Variants in MAN2A1 observed in about 807,000 individuals in gnomAD.
MAN2A1 encodes mannosidase alpha class 2A member 1.
A neutral mutation model predicts 142.6 loss-of-function variants in MAN2A1; 76 were observed. That is an observed-to-expected ratio of 0.53 (90% CI 0.44 to 0.65). The LOEUF is 0.65. Among genes scored for constraint, MAN2A1 ranks in the 30% least tolerant of loss-of-function variants. The pLI, the probability that MAN2A1 is intolerant of heterozygous loss-of-function variation, is 0.00. For synonymous variants in MAN2A1, 559 were observed against 473.2 expected (o/e 1.18, Z -2.35); for missense variants, 1,311 against 1,365.1 (o/e 0.96, Z 0.62).
intron 12 of MAN2A1, among the ~76,000 whole-genome samples, chr5:109,814,456 G>T (rs532487286): frequency 2.0e-5 from 3 of 152,234 alleles, no homozygotes; most frequent in Non-Finnish European, 2.9e-5. Flanking sequence ...TACTTAAAAT[G>T]TACATAGATA....
chr5:109,846,271 A>T (rs1194299831), intron 18 of MAN2A1, among the ~76,000 whole-genome samples: 1 of 152,192 alleles, frequency 6.6e-6, no homozygotes. Context: ...TGCTTCTCCT[A>T]ATAGTATGTA....
At chr5:109,712,819 A>G (rs1751339710) in intron 1 of MAN2A1, among the ~76,000 whole-genome samples, 1 of 152,210 alleles carries the variant, frequency 6.6e-6, no homozygotes, top group African/African-American at 2.4e-5. Context: ...GGAACCCAGG[A>G]TATAGGGGTG....
chr5:109,840,184 G>A (rs1363551843), intron 16 of MAN2A1: 4 of 204,686 alleles, frequency 2.0e-5, no homozygotes, highest in Non-Finnish European at 3.0e-5. Flanking sequence ...TAAATCTTGT[G>A]GCTTCCTTGA....
rs150228467 is a variant in MAN2A1 at position 109,741,793 on chromosome 5, A to G, written c.707+12280A>G. Among the ~76,000 whole-genome samples the G allele has an allele frequency of 1.3e-4, 20 of 152,348 alleles. No homozygotes were observed. In the East Asian group the frequency reaches 3.7e-3, roughly 28 times the overall value. ...AATCTAGTTAACTAAAGAGAGATCT[A>G]CGTAAACAACATCTATATTTTCTGT... On this transcript the variant is annotated intron_variant, in intron 4 of 21. Coordinates refer to ENST00000261483, the MANE Select transcript of MAN2A1 (RefSeq NM_002372.4).
chr5:109,839,759 G>C (rs1755152537), intron 16 of MAN2A1, among the ~76,000 whole-genome samples: 1 of 150,602 alleles, frequency 6.6e-6, no homozygotes, highest in Non-Finnish European at 1.5e-5. Flanking sequence ...CTCCATTCAA[G>C]TTGGAAGAGC....
At chr5:109,829,157 G>A (rs1439158353) in intron 16 of MAN2A1, among the ~76,000 whole-genome samples, 8 of 152,154 alleles carry the variant, frequency 5.3e-5, no homozygotes, top group Admixed American at 5.2e-4. Flanking sequence ...AGAGGGTCCT[G>A]GAAATTTAAC....
intron 4 of MAN2A1, among the ~76,000 whole-genome samples, chr5:109,745,717 A>T (rs1031245190): frequency 6.6e-6 from 1 of 152,294 alleles, no homozygotes; most frequent in East Asian, 1.9e-4. Context: ...CTCCGGGCTC[A>T]AGTGATACTC....
intron 4 of MAN2A1, among the ~76,000 whole-genome samples, chr5:109,752,857 G>A (rs1265110673): frequency 1.3e-5 from 2 of 152,128 alleles, no homozygotes; most frequent in African/African-American, 4.8e-5. Flanking sequence ...GAGGAGAAAT[G>A]GATTATTAAC....
chr5:109,811,602 G>C (rs373091216), intron 12 of MAN2A1, among the ~76,000 whole-genome samples: 8 of 140,168 alleles, frequency 5.7e-5, no homozygotes, highest in African/African-American at 1.5e-4. Context: ...GTGTGTGTGT[G>C]TGTGTCTGTG....
chr5:109,788,478 A>C (rs1043380643), intron 10 of MAN2A1, among the ~76,000 whole-genome samples: 1 of 151,882 alleles, frequency 6.6e-6, no homozygotes, highest in African/African-American at 2.4e-5. Flanking sequence ...CAAAACATCT[A>C]TTTTAATTCT....
At chr5:109,839,019 T>C (rs1233968387) in intron 16 of MAN2A1, among the ~76,000 whole-genome samples, 1 of 152,234 alleles carries the variant, frequency 6.6e-6, no homozygotes, top group Non-Finnish European at 1.5e-5. Flanking sequence ...CTTTATTTCA[T>C]TTCATGTATT....
chr5:109,784,659 A>G, intron 9 of MAN2A1, 85 bp from the exon 10 acceptor site: 2 of 1,078,636 alleles, frequency 1.9e-6, no homozygotes, highest in Non-Finnish European at 2.6e-6. Flanking sequence ...GGATTAAAAA[A>G]TTTGTAAAGT....
chr5:109,846,423 T>C (rs1407052890), intron 18 of MAN2A1, among the ~76,000 whole-genome samples: 1 of 152,142 alleles, frequency 6.6e-6, no homozygotes, highest in African/African-American at 2.4e-5. Context: ...GTCTTTCTAT[T>C]CTGCTACCAC....
rs762145898 is a variant in MAN2A1 at position 109,819,660 on chromosome 5, C to G, written c.2110-9C>G. 2 of 1,513,354 alleles carry G rather than the reference C, an allele frequency of 1.3e-6. No homozygotes were observed. The highest frequency in any genetic ancestry group is 1.8e-6 in the Non-Finnish European group (2 of 1,119,416). The allele number at this position is 1,513,354 out of a possible 1,614,324, so 93.7% of individuals were successfully genotyped here. On this transcript the variant is annotated splice_polypyrimidine_tract_variant and intron_variant, in intron 13 of 21. Transcript: ENST00000261483. ...ATCTTTAATAAATTCCCTTCCCTAT[C>G]TTTTAAAGATCTCTTTTCGAGCACA...
intron 12 of MAN2A1, among the ~76,000 whole-genome samples, chr5:109,812,852 G>A (rs191168680): frequency 6.8e-4 from 104 of 152,166 alleles, no homozygotes; most frequent in African/African-American, 2.4e-3. Context: ...TTCTCCTAGT[G>A]GTATTTTTCT....
intron 3 of MAN2A1, among the ~76,000 whole-genome samples, chr5:109,728,205 C>G (rs1460187161): frequency 1.3e-5 from 2 of 152,216 alleles, no homozygotes; most frequent in African/African-American, 4.8e-5. Flanking sequence ...CTCATATTCA[C>G]ATTGTCAGAA....
chr5:109,850,644 C>T (rs1489702219), intron 19 of MAN2A1, among the ~76,000 whole-genome samples: 3 of 152,114 alleles, frequency 2.0e-5, no homozygotes, highest in East Asian at 1.9e-4. Context: ...AAAAGTTTCT[C>T]GCTTATATGA....
intron 1 of MAN2A1, among the ~76,000 whole-genome samples, chr5:109,696,781 A>T (rs1484667690): frequency 6.6e-6 from 1 of 152,180 alleles, no homozygotes; most frequent in Non-Finnish European, 1.5e-5. Context: ...TGTCGTTAGC[A>T]CTTCTGTGTT....
chr5:109,824,031 T>C (rs900218586), intron 16 of MAN2A1, among the ~76,000 whole-genome samples, 194 bp downstream of exon 16: 1 of 152,248 alleles, frequency 6.6e-6, no homozygotes, highest in South Asian at 2.1e-4. Flanking sequence ...AATCCCTACA[T>C]ATACATGTTC....
Sources: allele counts gnomAD v4.1 joint callset (sites outside exome capture counted in the v4.1 genomes callset), GRCh38; gene constraint gnomAD v4.1.1; transcripts MANE v1.5; gene names NCBI Gene and HGNC (gene_info 2026-07-23, HGNC 2026-07-21).